ANAPC2: variants seen among roughly 807,000 people sequenced by gnomAD.
ANAPC2 encodes the protein anaphase promoting complex subunit 2.
A neutral mutation model predicts 84.3 loss-of-function variants in ANAPC2; 29 were observed. The observed-to-expected ratio is 0.34, with a 90% CI of 0.26 to 0.47. The LOEUF is 0.47. Ranked by LOEUF, ANAPC2 falls within the 20% of genes least tolerant of loss-of-function variation. The pLI, the probability that ANAPC2 is intolerant of heterozygous loss-of-function variation, is 1.00. For synonymous variants in ANAPC2, 571 were observed against 479.4 expected (o/e 1.19, Z -2.50); for missense variants, 857 against 1,131.7 (o/e 0.76, Z 3.48).
At chr9:137,182,238 C>T (rs1834358609) in intron 6 of ANAPC2, among the ~76,000 whole-genome samples, 1 of 152,186 alleles carries the variant, frequency 6.6e-6, no homozygotes, top group African/African-American at 2.4e-5. Context: ...AAGGGCCGGG[C>T]ACGGTGGCTC....
Position 137,181,774 on chromosome 9 carries a change from T to C in ANAPC2, c.1375A>G (p.Thr459Ala). The change falls in exon 7 of 13, where the codon ACC becomes GCC. Residue 459 changes from threonine to alanine, a missense_variant. Coordinates refer to ENST00000323927, the MANE Select transcript of ANAPC2 (RefSeq NM_013366.4). ...TGDLAVELSKTDPASLETGQD... is the reference protein window; with the variant it reads ...TGDLAVELSKADPASLETGQD... ...CCTGTCTCCAGGCTCGCCGGGTCGG[T>C]CTTGGACAGCTCAACAGCCAGGTCC... is the stretch of plus-strand genomic sequence containing the variant. The C allele has an allele frequency of 1.2e-6, 2 of 1,610,846 alleles. No individual in the cohort carries two copies. The highest frequency in any genetic ancestry group is 1.7e-6 in the Non-Finnish European group (2 of 1,179,914).
rs187856858 is a variant in ANAPC2 at position 137,188,301 on chromosome 9, G to A, written c.117+115C>T. ...ACGGAAAGGTGGTGGAAAATGGCAG[G>A]ACAGGACAGAGGCGGATGATGGACA... is the stretch of plus-strand genomic sequence containing the variant. On this transcript the variant is annotated intron_variant, in intron 1 of 12. Coordinates refer to ENST00000323927, the MANE Select transcript of ANAPC2 (RefSeq NM_013366.4). 6.0e-3 allele frequency: 8,018 copies of A among 1,328,816 alleles called. 36 individuals are homozygous for A. The highest frequency in any genetic ancestry group is 7.1e-3 in the Non-Finnish European group (6,956 of 978,674). The allele number at this position is 1,328,816 out of a possible 1,614,324, so 82.3% of individuals were successfully genotyped here. A position where few individuals can be genotyped will look rare whatever the true frequency, so the allele number is the denominator to read the frequency against.
In ANAPC2 at chr9:137,184,937, C is replaced by T. The variant is rs775462838; in HGVS notation, c.1024G>A (p.Glu342Lys). ...FYRIYASLRIEELFSIVRDFP... is the reference protein window; with the variant it reads ...FYRIYASLRIKELFSIVRDFP... ...CCTCGGACGATGCTGAAGAGCTCCT[C>T]GATGCGCAGGCTGGCGTAGATGCGG... is the stretch of plus-strand genomic sequence containing the variant. The change falls in exon 4 of 13, where the codon GAG becomes AAG. Residue 342 changes from glutamate to lysine, a missense_variant. Coordinates refer to ENST00000323927, the MANE Select transcript of ANAPC2 (RefSeq NM_013366.4). The T allele has an allele frequency of 1.2e-6, 2 of 1,612,838 alleles. No individual in the cohort carries two copies. The highest frequency in any genetic ancestry group is 1.7e-6 in the Non-Finnish European group (2 of 1,179,740).
intron 8 of ANAPC2, 105 bp from the exon 9 acceptor site, chr9:137,180,632 G>A: frequency 6.3e-7 from 1 of 1,577,480 alleles, no homozygotes; most frequent in Non-Finnish European, 8.7e-7. Context: ...GGGAGCCTGT[G>A]TGGGCACCCC....
At chr9:137,180,422 G>A (rs370157791) in intron 9 of ANAPC2, 30 bp downstream of exon 9, 63 of 1,612,554 alleles carry the variant, frequency 3.9e-5, no homozygotes, top group African/African-American at 1.6e-4. Context: ...CCTGCGGGGC[G>A]GCCGGGCAGC....
chr9:137,188,173 A>G, intron 1 of ANAPC2, 70 bp from the exon 2 acceptor site: 1 of 1,544,520 alleles, frequency 6.5e-7, no homozygotes, highest in Non-Finnish European at 8.7e-7. Flanking sequence ...GAAGGGAAGA[A>G]GCTGAGGGGG....
chr9:137,179,844 G>C (rs554082349), intron 10 of ANAPC2, among the ~76,000 whole-genome samples: 122 of 152,360 alleles, frequency 8.0e-4, no homozygotes, highest in Non-Finnish European at 1.1e-3. Context: ...GGCAGAGGGT[G>C]GATAGCAAAA....
At chr9:137,178,336 C>T (rs1834267275) in intron 10 of ANAPC2, among the ~76,000 whole-genome samples, 1 of 152,254 alleles carries the variant, frequency 6.6e-6, no homozygotes, top group South Asian at 2.1e-4. Context: ...GGTGGGACCT[C>T]TCAGCACAGC....
At chr9:137,183,300 G>T in intron 5 of ANAPC2, 58 bp from the exon 6 acceptor site, 1 of 1,404,324 alleles carries the variant, frequency 7.1e-7, no homozygotes, top group Non-Finnish European at 1.0e-6. Flanking sequence ...GCCTCCCAGG[G>T]GCAACACCCG....
At chr9:137,187,358 C>G in intron 2 of ANAPC2, 123 bp downstream of exon 2, 1 of 1,297,252 alleles carries the variant, frequency 7.7e-7, no homozygotes, top group Non-Finnish European at 1.0e-6. Flanking sequence ...CTGGGACTCT[C>G]TCTCTGTCAT....
At chr9:137,177,410 G>A (rs926701367) in intron 10 of ANAPC2, among the ~76,000 whole-genome samples, 20 of 147,998 alleles carry the variant, frequency 1.4e-4, no homozygotes, top group African/African-American at 4.7e-4. Context: ...CTGATTTCAC[G>A]GCGTCCCAGC....
In ANAPC2 at chr9:137,174,950, A is replaced by T; in HGVS notation, c.2461T>A (p.Cys821Ser). The T allele has an allele frequency of 6.4e-7, 1 of 1,569,754 alleles. No individual in the cohort carries two copies. The highest frequency in any genetic ancestry group is 1.3e-5 in the African/African-American group (1 of 74,194). Residue 821 changes from cysteine (C) to serine (S), a missense_variant, in exon 13 of 13, where the codon TGC (cysteine) becomes AGC (serine). By Grantham distance (112) the Cys-to-Ser change is moderately radical. This residue lies in a region of ANAPC2 where 425 missense variants were observed against 595.5 expected (regional missense o/e 0.71). Coordinates refer to ENST00000323927, the MANE Select transcript of ANAPC2 (RefSeq NM_013366.4). This position sits in a 1 kb window ranked among gnomAD's most constrained non-coding sequence, Gnocchi z 6.1. ...SAGVYRLPKN[C>S]S Reference sequence around the variant, plus strand: ...GGCGGGCGGGCGATGTGTCAGCTGCAGTTCTTGGGCAGGCGGTAGACGCCG... The same window carrying T: ...GGCGGGCGGGCGATGTGTCAGCTGCTGTTCTTGGGCAGGCGGTAGACGCCG...
chr9:137,187,598 G>A lies in ANAPC2; in HGVS notation c.623C>T (p.Ala208Val), dbSNP rs1428543140. 6.2e-7 allele frequency: 1 copy of A among 1,614,016 alleles called. No individual in the cohort carries two copies. The highest frequency in any genetic ancestry group is 1.1e-5 in the South Asian group (1 of 91,086). Residue 208 changes from alanine (A) to valine (V), a missense_variant, in exon 2 of 13, where the codon GCC (alanine) becomes GTC (valine). Physicochemically the swap from Ala to Val is moderately conservative, Grantham distance 64 (BLOSUM62 0). Transcript: ENST00000323927. ...CAGGAGCCGGTAGTACCGGCGACGG[G>A]CATACCGGCTGTCCAGCTCCCCTTC... The part of the protein sequence containing the change: ...ELEGELDSRY[A>V]RRRYYRLLQS...
Position 137,175,435 on chromosome 9 carries a change from C to A in ANAPC2, c.2058G>T (p.Lys686Asn). 6.3e-7 allele frequency: 1 copy of A among 1,598,698 alleles called. No homozygotes were observed. Among genetic ancestry groups the A allele is most frequent in the Non-Finnish European group, 8.5e-7 (1 of 1,173,816 alleles). The part of the protein sequence containing the change: ...WTLEELSKAV[K>N]MPVALLRRRM... ...GCCGCCGCAGCAGCGCCACGGGCAT[C>A]TTCACCGCCTTGCTCAGTTCCTCCA... Residue 686 changes from lysine to asparagine, a missense_variant, in exon 12 of 13, where the codon AAG (lysine) becomes AAT (asparagine). This residue lies in a region of ANAPC2 where 425 missense variants were observed against 595.5 expected (regional missense o/e 0.71). Transcript: ENST00000323927.
At chr9:137,181,586 C>T (rs1014558473) in intron 7 of ANAPC2, 95 bp downstream of exon 7, 123 of 1,332,556 alleles carry the variant, frequency 9.2e-5, no homozygotes, top group Non-Finnish European at 1.2e-4. Context: ...ACACCTGACA[C>T]AGCCAAGCTC....
Position 137,181,821 on chromosome 9 carries a change from G to T in ANAPC2, c.1328C>A (p.Thr443Lys), listed in dbSNP as rs758447330. 6.2e-7 allele frequency: 1 copy of T among 1,608,302 alleles called. No individual in the cohort carries two copies. ...GTCCCCTGTCCCGTCCGAGTCCCCC[G>T]TCAGCCCAGCCACAATCTGCCGCAC... is the stretch of plus-strand genomic sequence containing the variant. The part of the protein sequence containing the change: ...DTVRQIVAGL[T>K]GDSDGTGDLA... Residue 443 changes from threonine (T) to lysine (K), a missense_variant, in exon 7 of 13, where the codon ACG (threonine) becomes AAG (lysine). By Grantham distance (78) the Thr-to-Lys change is moderately conservative. Transcript: ENST00000323927.
chr9:137,179,689 G>A (rs1435387179), intron 10 of ANAPC2, among the ~76,000 whole-genome samples: 2 of 152,344 alleles, frequency 1.3e-5, no homozygotes, highest in Middle Eastern at 3.4e-3. Context: ...GGCAGTTCTC[G>A]AGGAAACAGA....
In ANAPC2 at chr9:137,175,368, G is replaced by T. The variant is rs1254582747; in HGVS notation, c.2125C>A (p.Pro709Thr). ...TCAATGACAGAGAAGGTGCCGGGGGGCTCCTCACGCAGCACACCCTGCTGC... is the reference window on the plus strand; with the variant it reads ...TCAATGACAGAGAAGGTGCCGGGGGTCTCCTCACGCAGCACACCCTGCTGC... The part of the protein sequence containing the change: ...WLQQGVLREE[P>T]PGTFSVIEEE... The change falls in exon 12 of 13, where the codon CCC (proline) becomes ACC (threonine). Residue 709 changes from proline to threonine, a missense_variant. This residue lies in a region of ANAPC2 where 425 missense variants were observed against 595.5 expected (regional missense o/e 0.71). Coordinates refer to ENST00000323927, the MANE Select transcript of ANAPC2 (RefSeq NM_013366.4). 1 of 1,611,384 alleles carries T rather than the reference G, an allele frequency of 6.2e-7. No homozygotes were observed. Among genetic ancestry groups the T allele is most frequent in the South Asian group, 1.1e-5 (1 of 90,862 alleles).
Position 137,183,053 on chromosome 9 carries a change from C to A in ANAPC2, c.1286+72G>T. ...ACGGCCGAACACACCCTCCGGCTGC[C>A]CCCCAGGACCACGAGGAGCTCAGCA... is the stretch of plus-strand genomic sequence containing the variant. On this transcript the variant is annotated intron_variant, in intron 6 of 12. Coordinates refer to ENST00000323927, the MANE Select transcript of ANAPC2 (RefSeq NM_013366.4). 9.4e-6 allele frequency: 12 copies of A among 1,281,306 alleles called. No individual in the cohort carries two copies. The South Asian group carries it at 1.5e-4, about 16-fold the overall frequency. The allele number at this position is 1,281,306 out of a possible 1,614,324, so 79.4% of individuals were successfully genotyped here. A position where few individuals can be genotyped will look rare whatever the true frequency, so the allele number is the denominator to read the frequency against.
Sources: gnomAD v4.1 joint callset for allele counts (sites outside exome capture counted in the v4.1 genomes callset) on GRCh38, gnomAD v4.1.1 for gene constraint, gnomAD v4.1.1 regional missense constraint, Gnocchi (gnomAD v3.1) non-coding constraint, MANE v1.5 for transcripts, NCBI Gene and HGNC (gene_info 2026-07-23, HGNC 2026-07-21) for gene names.